Variants in BTBD9 observed in about 807,000 individuals in gnomAD.
BTBD9 encodes BTB/POZ domain-containing protein 9.
A neutral mutation model predicts 64.3 loss-of-function variants in BTBD9; 49 were observed. The ratio of observed to expected loss-of-function variants is 0.76; its 90% CI spans 0.61 to 0.97. The LOEUF (loss-of-function observed/expected upper bound fraction) is 0.97, where lower values mean the gene tolerates loss of function less well. BTBD9 is among the 50% of genes least tolerant of loss of function. The pLI is 0.00. For synonymous variants in BTBD9, 260 were observed against 274.7 expected (o/e 0.95, Z 0.53); for missense variants, 598 against 762.1 (o/e 0.78, Z 2.53).
At chr6:38,562,435 A>T (rs1775303008) in intron 6 of BTBD9, among the ~76,000 whole-genome samples, 1 of 152,038 alleles carries the variant, frequency 6.6e-6, no homozygotes, top group Admixed American at 6.5e-5. Context: ...TCATTTCCTC[A>T]TCTCCCAGAA....
chr6:38,414,422 A>T (rs753411964), intron 6 of BTBD9, among the ~76,000 whole-genome samples: 1 of 152,204 alleles, frequency 6.6e-6, no homozygotes, highest in Non-Finnish European at 1.5e-5. Context: ...TGAAGGATGT[A>T]AGTCACAAGG....
At chr6:38,241,395 A>G (rs1316323413) in intron 9 of BTBD9, among the ~76,000 whole-genome samples, 1 of 152,218 alleles carries the variant, frequency 6.6e-6, no homozygotes. Context: ...TTAATGTGCA[A>G]CATTGCCTCA....
chr6:38,289,834 G>C (rs146304287), intron 7 of BTBD9, among the ~76,000 whole-genome samples: 3 of 152,214 alleles, frequency 2.0e-5, no homozygotes, highest in Middle Eastern at 3.4e-3. Flanking sequence ...TCACTATGAT[G>C]TAAGTTCTCT....
chr6:38,225,971 C>A (rs1171252297), intron 9 of BTBD9, among the ~76,000 whole-genome samples: 21 of 152,252 alleles, frequency 1.4e-4, no homozygotes. Flanking sequence ...CAAGGCTTAA[C>A]TATGAGGCCA....
At chr6:38,344,804 A>G (rs186143825) in intron 7 of BTBD9, among the ~76,000 whole-genome samples, 180 bp downstream of exon 7, 83 of 152,348 alleles carry the variant, frequency 5.4e-4, no homozygotes, top group African/African-American at 1.9e-3. Context: ...TTTTAAGTTC[A>G]TTGGAATTAC....
At chr6:38,389,740 T>G (rs909214266) in intron 6 of BTBD9, among the ~76,000 whole-genome samples, 2 of 152,202 alleles carry the variant, frequency 1.3e-5, no homozygotes, top group African/African-American at 4.8e-5. Flanking sequence ...CTGTCTTAAT[T>G]TGGTATGAAA....
chr6:38,218,973 A>T (rs1175135933), intron 9 of BTBD9, among the ~76,000 whole-genome samples: 1 of 152,110 alleles, frequency 6.6e-6, no homozygotes, highest in Non-Finnish European at 1.5e-5. Context: ...GCTGTGTACC[A>T]GGTTTGGTGA....
At chr6:38,275,397 A>G (rs1435906639) in intron 8 of BTBD9, among the ~76,000 whole-genome samples, 1 of 152,216 alleles carries the variant, frequency 6.6e-6, no homozygotes, top group African/African-American at 2.4e-5. Context: ...TAAAAAGCCT[A>G]GAAGAAAACC....
chr6:38,618,480 TC>T (rs1304477257), intron 1 of BTBD9, among the ~76,000 whole-genome samples: 7 of 151,936 alleles, frequency 4.6e-5, no homozygotes, highest in Non-Finnish European at 7.4e-5. Context: ...TATCCTAGCC[TC>T]CCCACAGCTC....
chr6:38,335,723 G>T (rs554962516), intron 7 of BTBD9, among the ~76,000 whole-genome samples: 1 of 150,806 alleles, frequency 6.6e-6, no homozygotes, highest in East Asian at 2.0e-4. Context: ...GCGCCACCAT[G>T]CCCAGCTAAT....
At chr6:38,455,747 T>C (rs1265634528) in intron 6 of BTBD9, among the ~76,000 whole-genome samples, 2 of 152,220 alleles carry the variant, frequency 1.3e-5, no homozygotes, top group African/African-American at 4.8e-5. Context: ...TTACTCTTGT[T>C]TCCCAGGCTG....
chr6:38,187,632 G>T (rs757975367), intron 10 of BTBD9, among the ~76,000 whole-genome samples: 13 of 152,174 alleles, frequency 8.5e-5, no homozygotes, highest in South Asian at 2.1e-4. Flanking sequence ...CACACAGTGG[G>T]GGGGAGTGAA....
At chr6:38,478,194 C>T (rs1373456217) in intron 6 of BTBD9, among the ~76,000 whole-genome samples, 1 of 152,154 alleles carries the variant, frequency 6.6e-6, no homozygotes, top group African/African-American at 2.4e-5. Context: ...CCACCAGTCT[C>T]TGATTACGTG....
At chr6:38,487,879 T>C (rs1406411546) in intron 6 of BTBD9, among the ~76,000 whole-genome samples, 1 of 152,246 alleles carries the variant, frequency 6.6e-6, no homozygotes, top group Non-Finnish European at 1.5e-5. Context: ...AGAGACTTTA[T>C]GTTGCCCACA....
chr6:38,533,114 AAAT>A (rs890809588), intron 6 of BTBD9, among the ~76,000 whole-genome samples: 7 of 152,002 alleles, frequency 4.6e-5, no homozygotes, highest in African/African-American at 7.2e-5. Context: ...ATGGATTAAA[AAAT>A]AATAATAATA....
chr6:38,543,290 T>C (rs915035558), intron 6 of BTBD9, among the ~76,000 whole-genome samples: 3 of 152,230 alleles, frequency 2.0e-5, no homozygotes, highest in Non-Finnish European at 2.9e-5. Context: ...CACGTTCACT[T>C]TCTACCACCT....
chr6:38,292,197 C>A (rs2127557759), intron 7 of BTBD9, among the ~76,000 whole-genome samples: 1 of 152,264 alleles, frequency 6.6e-6, no homozygotes, highest in Middle Eastern at 3.4e-3. Flanking sequence ...CTCCTGACCT[C>A]AGGTGATCCA....
chr6:38,339,654 G>T (rs1341681755), intron 7 of BTBD9, among the ~76,000 whole-genome samples: 1 of 151,910 alleles, frequency 6.6e-6, no homozygotes, highest in African/African-American at 2.4e-5. Flanking sequence ...ACTAAAGGAG[G>T]AAAAAAAGAG....
At chr6:38,357,043 C>T (rs1013757533) in intron 6 of BTBD9, among the ~76,000 whole-genome samples, 1 of 152,162 alleles carries the variant, frequency 6.6e-6, no homozygotes, top group African/African-American at 2.4e-5. Context: ...CAATTGTGCA[C>T]GTTGTCTCTC....
Sources: gnomAD v4.1 joint callset for allele counts (sites outside exome capture counted in the v4.1 genomes callset) on GRCh38, gnomAD v4.1.1 for gene constraint, MANE v1.5 for transcripts, NCBI Gene and HGNC (gene_info 2026-07-23, HGNC 2026-07-21) for gene names.